CERS6: variants seen among roughly 807,000 people sequenced by gnomAD.
CERS6 encodes LAG1 homolog, ceramide synthase 6.
A neutral mutation model predicts 56.8 loss-of-function variants in CERS6; 26 were observed. The ratio of observed to expected loss-of-function variants is 0.46; its 90% CI spans 0.34 to 0.63. The LOEUF (loss-of-function observed/expected upper bound fraction) is 0.63. Among genes scored for constraint, CERS6 ranks in the 30% least tolerant of loss-of-function variants. The pLI is 0.01. For synonymous variants in CERS6, 164 were observed against 173.3 expected, an observed-to-expected ratio of 0.95 and a Z score of 0.42; for missense variants, 415 against 467.5, an observed-to-expected ratio of 0.89 and a Z score of 1.04.
intron 3 of CERS6, among the ~76,000 whole-genome samples, chr2:168,586,714 A>G (rs1450371700): frequency 6.6e-6 from 1 of 152,188 alleles, no homozygotes; most frequent in Non-Finnish European, 1.5e-5. Context: ...TACCCCTGAT[A>G]AGCACATGTC....
At chr2:168,518,554 C>T (rs536462956) in intron 1 of CERS6, among the ~76,000 whole-genome samples, 2 of 152,244 alleles carry the variant, frequency 1.3e-5, no homozygotes, top group South Asian at 4.2e-4. Flanking sequence ...CTTCCTCCCA[C>T]TCCCTAATTT....
intron 8 of CERS6, among the ~76,000 whole-genome samples, chr2:168,732,648 T>C (rs779176673): frequency 5.3e-5 from 8 of 152,304 alleles, no homozygotes; most frequent in Non-Finnish European, 1.0e-4. Context: ...TGGGTTGAAC[T>C]CTCTTTCAGG....
chr2:168,518,823 G>C lies in CERS6; in HGVS notation c.171-28773G>C, dbSNP rs537165855. 8.5e-5 allele frequency among the ~76,000 whole-genome samples: 13 copies of C among 152,266 alleles called. No homozygotes were observed. In the South Asian group the frequency reaches 2.5e-3, roughly 29 times the overall value. ...ATGTCTTTCTAAGTTGCCTTTCTCT[G>C]TTAACAGATGGGTGCATCTCTGAGG... On this transcript the variant is annotated intron_variant, in intron 1 of 9. Transcript: ENST00000305747.
At chr2:168,627,245 G>A (rs1429694860) in intron 3 of CERS6, among the ~76,000 whole-genome samples, 1 of 152,014 alleles carries the variant, frequency 6.6e-6, no homozygotes, top group Non-Finnish European at 1.5e-5. Context: ...AAAAACAAGA[G>A]CATTTAATTT....
intron 8 of CERS6, among the ~76,000 whole-genome samples, chr2:168,754,954 G>A (rs1366240416): frequency 6.6e-6 from 1 of 152,062 alleles, no homozygotes; most frequent in Non-Finnish European, 1.5e-5. Context: ...TTTTACTTTT[G>A]TAGAGACAAG....
intron 4 of CERS6, among the ~76,000 whole-genome samples, chr2:168,675,421 CA>C (rs1435492971): frequency 1.3e-5 from 2 of 151,862 alleles, no homozygotes; most frequent in Admixed American, 1.3e-4. Context: ...CCTGCCTCTA[CA>C]AAAAACACAA....
intron 2 of CERS6, among the ~76,000 whole-genome samples, chr2:168,550,829 C>G (rs1695557461): frequency 1.3e-5 from 2 of 152,206 alleles, no homozygotes; most frequent in South Asian, 4.1e-4. Flanking sequence ...TGCCTCCATC[C>G]TCTCTGAAAC....
At chr2:168,535,885 A>G (rs1417219568) in intron 1 of CERS6, among the ~76,000 whole-genome samples, 2 of 150,818 alleles carry the variant, frequency 1.3e-5, no homozygotes, top group African/African-American at 2.4e-5. Context: ...GTCTTGGTAC[A>G]TTTTCCTGAT....
chr2:168,514,177 T>C (rs1694845797), intron 1 of CERS6, among the ~76,000 whole-genome samples: 1 of 152,212 alleles, frequency 6.6e-6, no homozygotes, highest in Non-Finnish European at 1.5e-5. Context: ...TTACGAATAG[T>C]CAGAGTCTGT....
At chr2:168,698,255 G>GAAAAAAAAAAAAAAAAAAAA (rs869056813) in intron 6 of CERS6, among the ~76,000 whole-genome samples, 59 of 17,780 alleles carry the variant, frequency 3.3e-3, no homozygotes, top group Middle Eastern at 0.042. Context: ...AAAAAAAAAA[G>GAAAAAAAAAAAAAAAAAAAA]AAAAAAAAAA....
intron 4 of CERS6, among the ~76,000 whole-genome samples, chr2:168,638,527 A>AT (rs903956537): frequency 8.6e-5 from 13 of 151,992 alleles, no homozygotes; most frequent in East Asian, 1.9e-4. Context: ...CAATTCAGGG[A>AT]TTTTTTTTGA....
At chr2:168,591,725 A>T (rs530879228) in intron 3 of CERS6, among the ~76,000 whole-genome samples, 24 of 152,322 alleles carry the variant, frequency 1.6e-4, no homozygotes, top group African/African-American at 5.8e-4. Context: ...TTTGATTGTT[A>T]TAAAGATGCA....
intron 4 of CERS6, among the ~76,000 whole-genome samples, chr2:168,676,999 C>CT (rs59600302): frequency 0.016 from 1,579 of 96,546 alleles, 30 homozygotes; most frequent in African/African-American, 0.048. Flanking sequence ...TTTTTTGGGG[C>CT]TTTTTTTTTT....
In CERS6 at chr2:168,675,478, T is replaced by TG. The variant is rs1247556796; in HGVS notation, c.466-15550dup. Reference sequence around the variant, plus strand: ...GCATGCACGTGTAGTTCCAGCTACTTGGGGGGCTGAGGCAGGAGGATGGCT... The same window carrying TG: ...GCATGCACGTGTAGTTCCAGCTACTTGGGGGGGCTGAGGCAGGAGGATGGCT... On this transcript the variant is annotated intron_variant, in intron 4 of 9. Coordinates refer to ENST00000305747, the MANE Select transcript of CERS6 (RefSeq NM_203463.3). Among the ~76,000 whole-genome samples, 6 of 151,554 alleles carry TG rather than the reference T, an allele frequency of 4.0e-5. No homozygotes were observed. In the South Asian group the frequency reaches 1.1e-3, roughly 27 times the overall value.
Position 168,774,830 on chromosome 2 carries a change from C to T in CERS6, c.*5168C>T, listed in dbSNP as rs1021697884. 2.0e-5 allele frequency: 3 copies of T among 152,058 alleles called. No homozygotes were observed. Among genetic ancestry groups the T allele is most frequent in the South Asian group, 2.1e-4 (1 of 4,822 alleles). The allele number at this position is 152,058 out of a possible 1,614,324, so 9.4% of individuals were successfully genotyped here. On this transcript the variant is annotated 3_prime_UTR_variant, in exon 10 of 10. Transcript: ENST00000305747. ...CCACATAGTCATTTACCTCCACAGC[C>T]GTTTGTTGTCATAGAAGGGGTGGTG...
intron 8 of CERS6, among the ~76,000 whole-genome samples, chr2:168,759,735 G>A (rs879931085): frequency 2.6e-5 from 4 of 152,020 alleles, no homozygotes; most frequent in Admixed American, 1.3e-4. Flanking sequence ...GTGTGTGGGG[G>A]ATAAACACAT....
intron 2 of CERS6, among the ~76,000 whole-genome samples, chr2:168,555,722 CTGTGTGTGTGTGTGTGTGTGTGTGTGTG>C (rs58781728): frequency 2.1e-5 from 3 of 141,012 alleles, no homozygotes; most frequent in South Asian, 4.6e-4. Flanking sequence ...ATAATTGACT[CTGTGTGTGTGTGTGTGTGTGTGTGTGTG>C]TGTGTGTGTG....
chr2:168,600,348 G>T (rs986908800), intron 3 of CERS6, among the ~76,000 whole-genome samples: 5 of 151,940 alleles, frequency 3.3e-5, no homozygotes, highest in Admixed American at 2.6e-4. Flanking sequence ...GGGACTACAG[G>T]CACCCACCAC....
chr2:168,759,985 T>C (rs941643741), intron 8 of CERS6, among the ~76,000 whole-genome samples: 5 of 151,794 alleles, frequency 3.3e-5, no homozygotes, highest in South Asian at 2.1e-4. Flanking sequence ...ATATACAATA[T>C]AGTGCAAAAA....
Sources: gnomAD v4.1 joint callset for allele counts (sites outside exome capture counted in the v4.1 genomes callset) on GRCh38, gnomAD v4.1.1 for gene constraint, MANE v1.5 for transcripts, NCBI Gene and HGNC (gene_info 2026-07-23, HGNC 2026-07-21) for gene names.